ADAM29: variants seen among roughly 807,000 people sequenced by gnomAD.
The protein encoded by ADAM29 is disintegrin and metalloproteinase domain-containing protein 29.
For synonymous variants in ADAM29, 367 were observed against 342.3 expected, an observed-to-expected ratio of 1.07 and a Z score of -0.80; for missense variants, 969 against 1,001.8, an observed-to-expected ratio of 0.97 and a Z score of 0.44.
At position 174,975,785 on chromosome 4, in the gene ADAM29, G is replaced by A. The variant is rs773571773; in HGVS notation, c.260G>A (p.Gly87Asp). 2 of 1,614,116 alleles carry A rather than the reference G, an allele frequency of 1.2e-6. No homozygotes were observed. The highest frequency in any genetic ancestry group is 2.2e-5 in the South Asian group (2 of 91,080). The stretch of plus-strand genomic sequence containing the variant: ...CCTGTGTTCACCTACACAGACCAGG[G>A]TGCTATCCTTGAGGACCAGCCATTT... The part of the protein sequence containing the change: ...HLPVFTYTDQ[G>D]AILEDQPFVQ... The change falls in exon 5 of 5, where the codon GGT becomes GAT. Residue 87 changes from glycine to aspartate, a missense_variant. Coordinates refer to ENST00000359240, the MANE Select transcript of ADAM29 (RefSeq NM_014269.4).
intron 4 of ADAM29, among the ~76,000 whole-genome samples, chr4:174,972,885 G>A (rs916955102): frequency 1.3e-5 from 2 of 152,054 alleles, no homozygotes; most frequent in Admixed American, 6.6e-5. Context: ...TGCTCTCTAT[G>A]TACTGAGAAG....
Position 174,975,597 on chromosome 4 carries a change from C to A in ADAM29, c.72C>A (p.His24Gln), listed in dbSNP as rs1227067047. ...GTTCTGGACACATCCAGGATGAGCA[C>A]CCCCAATATCACAGCCCTCCGGATG... ...LSCSGHIQDEHPQYHSPPDVV... is the reference protein window; with the variant it reads ...LSCSGHIQDEQPQYHSPPDVV... Residue 24 changes from histidine to glutamine, a missense_variant, in exon 5 of 5, where the codon CAC (histidine) becomes CAA (glutamine). Physicochemically the swap from His to Gln is conservative, Grantham distance 24. Coordinates refer to ENST00000359240, the MANE Select transcript of ADAM29 (RefSeq NM_014269.4). 1 of 1,600,372 alleles carries A rather than the reference C, an allele frequency of 6.2e-7. No individual in the cohort carries two copies. The highest frequency in any genetic ancestry group is 8.5e-7 in the Non-Finnish European group (1 of 1,173,774).
Position 174,976,992 on chromosome 4 carries a change from G to A in ADAM29, c.1467G>A (p.Glu489=). The A allele has an allele frequency of 6.2e-7, 1 of 1,614,202 alleles. No individual in the cohort carries two copies. Among genetic ancestry groups the A allele is most frequent in the Non-Finnish European group, 8.5e-7 (1 of 1,180,042 alleles). ...FYVEDGIPCK[E]RGYCYEKSCH... ...TGGAAGATGGAATTCCCTGTAAGGA[G>A]AGGGGCTACTGCTATGAAAAGAGCT... Residue 489 remains glutamate (E), a synonymous_variant, in exon 5 of 5, where the codon GAG becomes GAA. Coordinates refer to ENST00000359240, the MANE Select transcript of ADAM29 (RefSeq NM_014269.4).
At chr4:174,967,710 C>G (rs1746230916) in intron 4 of ADAM29, among the ~76,000 whole-genome samples, 1 of 152,132 alleles carries the variant, frequency 6.6e-6, no homozygotes, top group African/African-American at 2.4e-5. Context: ...TTGGCTCATC[C>G]AAGAAGGTAC....
At position 174,976,348 on chromosome 4, in the gene ADAM29, G is replaced by C. The variant is rs762678313; in HGVS notation, c.823G>C (p.Glu275Gln). Residue 275 changes from glutamate (E) to glutamine (Q), a missense_variant, in exon 5 of 5, where the codon GAG (glutamate) becomes CAG (glutamine). Glu to Gln is a conservative substitution (Grantham distance 29, BLOSUM62 2). Coordinates refer to ENST00000359240, the MANE Select transcript of ADAM29 (RefSeq NM_014269.4). ...GCACCTGTATTGCAAGTGGAAGTCG[G>C]AGAACATTACGCCCCGGATGCAACA... ...SVHLYCKWKS[E>Q]NITPRMQHDT... 8.1e-6 allele frequency: 13 copies of C among 1,609,694 alleles called. No homozygotes were observed. The East Asian group carries it at 2.7e-4, about 33-fold the overall frequency.
At chr4:174,946,263 T>C (rs1744843757) in intron 4 of ADAM29, among the ~76,000 whole-genome samples, 1 of 152,132 alleles carries the variant, frequency 6.6e-6, no homozygotes, top group Non-Finnish European at 1.5e-5. Flanking sequence ...TTGGCTATTA[T>C]GAATGGGATT....
At chr4:174,951,092 T>A (rs1745151233) in intron 4 of ADAM29, among the ~76,000 whole-genome samples, 1 of 152,150 alleles carries the variant, frequency 6.6e-6, no homozygotes, top group Non-Finnish European at 1.5e-5. Context: ...GAAAATGGAG[T>A]AATACAATAC....
chr4:174,943,701 C>G (rs182495740), intron 4 of ADAM29, among the ~76,000 whole-genome samples: 1 of 151,996 alleles, frequency 6.6e-6, no homozygotes, highest in Non-Finnish European at 1.5e-5. Flanking sequence ...AGAGTCAAAC[C>G]ATATTAAGGA....
chr4:174,921,938 A>G (rs1190289831), intron 2 of ADAM29, among the ~76,000 whole-genome samples: 3 of 152,218 alleles, frequency 2.0e-5, no homozygotes, highest in Non-Finnish European at 4.4e-5. Flanking sequence ...ATGATACTTT[A>G]GGAAGCCAGA....
chr4:174,953,853 G>T (rs1221297013), intron 4 of ADAM29, among the ~76,000 whole-genome samples: 1 of 152,050 alleles, frequency 6.6e-6, no homozygotes, highest in Non-Finnish European at 1.5e-5. Flanking sequence ...GGGACTATAG[G>T]CATGCACCAC....
chr4:174,921,868 A>G (rs1743184082), intron 2 of ADAM29, among the ~76,000 whole-genome samples: 1 of 152,118 alleles, frequency 6.6e-6, no homozygotes, highest in African/African-American at 2.4e-5. Flanking sequence ...CTATAGGTAA[A>G]TTTTCAAATG....
At chr4:174,947,545 G>C (rs916010268) in intron 4 of ADAM29, among the ~76,000 whole-genome samples, 1 of 152,148 alleles carries the variant, frequency 6.6e-6, no homozygotes, top group African/African-American at 2.4e-5. Flanking sequence ...CCTCGTAATT[G>C]TATGGTTTTG....
intron 3 of ADAM29, among the ~76,000 whole-genome samples, chr4:174,934,604 CTTATTATTT>C (rs1744097177): frequency 6.6e-6 from 1 of 152,044 alleles, no homozygotes. Flanking sequence ...TTCAATTCAT[CTTATTATTT>C]TTTCACTATG....
At chr4:174,952,753 A>C (rs1410813769) in intron 4 of ADAM29, among the ~76,000 whole-genome samples, 1 of 152,106 alleles carries the variant, frequency 6.6e-6, no homozygotes, top group Non-Finnish European at 1.5e-5. Context: ...TCAGATTAGA[A>C]CTAAGGAGCA....
chr4:174,972,017 C>T (rs976584111), intron 4 of ADAM29, among the ~76,000 whole-genome samples: 1 of 151,380 alleles, frequency 6.6e-6, no homozygotes, highest in Non-Finnish European at 1.5e-5. Flanking sequence ...TTATTGCGTT[C>T]CTCAGCTTCA....
chr4:174,968,463 C>T (rs1190766513), intron 4 of ADAM29, among the ~76,000 whole-genome samples: 2 of 152,170 alleles, frequency 1.3e-5, no homozygotes, highest in Non-Finnish European at 2.9e-5. Flanking sequence ...AGGACTGGAT[C>T]TTGTGTACAG....
chr4:174,940,761 A>C (rs1744491293), intron 4 of ADAM29, among the ~76,000 whole-genome samples: 2 of 152,132 alleles, frequency 1.3e-5, no homozygotes, highest in Non-Finnish European at 2.9e-5. Context: ...TATATGTGAC[A>C]TTTTCAGCAT....
chr4:174,924,620 T>C (rs2110902360), intron 2 of ADAM29, among the ~76,000 whole-genome samples: 1 of 152,228 alleles, frequency 6.6e-6, no homozygotes, highest in Admixed American at 6.5e-5. Context: ...ATGGATACTG[T>C]TTAGTGATAA....
At chr4:174,919,884 T>G (rs981169534) in intron 1 of ADAM29, among the ~76,000 whole-genome samples, 1 of 152,166 alleles carries the variant, frequency 6.6e-6, no homozygotes, top group African/African-American at 2.4e-5. Context: ...GAGAGGGTTA[T>G]ACAAGAACAT....
Sources: gnomAD v4.1 joint callset for allele counts (sites outside exome capture counted in the v4.1 genomes callset) on GRCh38, gnomAD v4.1.1 for gene constraint, MANE v1.5 for transcripts, NCBI Gene and HGNC (gene_info 2026-07-23, HGNC 2026-07-21) for gene names.